The following NACA variants were observed in gnomAD, a reference collection of about 807,000 sequenced individuals.
NACA encodes the protein nascent polypeptide-associated complex subunit alpha.
NACA carries 42 observed loss-of-function variants against 86.4 expected under a neutral mutation model. That is an observed-to-expected ratio of 0.49 (90% CI 0.38 to 0.63). The LOEUF is 0.63. Ranked by LOEUF, NACA falls within the 20% of genes least tolerant of loss-of-function variation. The pLI is 0.00. For synonymous variants in NACA, 898 were observed against 973.7 expected, an observed-to-expected ratio of 0.92 and a Z score of 1.45; for missense variants, 2,157 against 2,483.6, an observed-to-expected ratio of 0.87 and a Z score of 2.80.
Position 56,721,388 on chromosome 12 carries a change from G to GA in NACA, c.141dup (p.Pro48SerfsTer15). On this transcript the variant is annotated frameshift_variant, in exon 3 of 9. Coordinates refer to ENST00000454682, the MANE Select transcript of NACA (RefSeq NM_001365896.1). LOFTEE classifies it high-confidence loss of function. ...CACTGTTGTGGGGCAGGAGAGCAAG[G>GA]AGGGGGGAGGGTAGGTCCAGGCTGC... 6.4e-6 allele frequency: 10 copies of GA among 1,574,208 alleles called. No individual in the cohort carries two copies. Among genetic ancestry groups the GA allele is most frequent in the Non-Finnish European group, 7.7e-6 (9 of 1,163,740 alleles).
chr12:56,713,633 A>G lies in NACA; in HGVS notation c.5874T>C (p.Thr1958=). 6.2e-7 allele frequency: 1 copy of G among 1,614,016 alleles called. No individual in the cohort carries two copies. Among genetic ancestry groups the G allele is most frequent in the Non-Finnish European group, 8.5e-7 (1 of 1,179,878 alleles). The part of the protein sequence containing the change: ...LRQVTGVTRV[T]IRKSKNILFV... ...AGAGGATATTCTTAGATTTCCGGAT[A>G]GTGACTCTAGTAACTCCTGTAACCT... The change falls in exon 6 of 9, where the codon ACT becomes ACC. Residue 1958 remains threonine (T), a synonymous_variant. Coordinates refer to ENST00000454682, the MANE Select transcript of NACA (RefSeq NM_001365896.1).
intron 8 of NACA, 94 bp downstream of exon 8, chr12:56,712,692 T>C (rs972197813): frequency 3.7e-6 from 6 of 1,603,206 alleles, no homozygotes; most frequent in Non-Finnish European, 5.1e-6. Flanking sequence ...TGGAATGAGG[T>C]TCCTTAATTG....
Position 56,713,009 on chromosome 12 carries a change from C to T in NACA, c.6099+53G>A, listed in dbSNP as rs1474831162. ...TAGTTTTTAATATAGCTCACCAACA[C>T]GAACACAATGCTATACGGCGAGAGT... On this transcript the variant is annotated intron_variant, in intron 7 of 8. Transcript: ENST00000454682. 10 of 1,611,114 alleles carry T rather than the reference C, an allele frequency of 6.2e-6. No individual in the cohort carries two copies. In the African/African-American group the frequency reaches 6.7e-5, roughly 11 times the overall value.
In NACA at chr12:56,720,329, C is replaced by T. The variant is rs149200196; in HGVS notation, c.1201G>A (p.Val401Ile). The change falls in exon 3 of 9, where the codon GTA (valine) becomes ATA (isoleucine). Residue 401 changes from valine (V) to isoleucine (I), a missense_variant. Transcript: ENST00000454682. ...GGAGATAATGAAAAAGAGGTAGCTA[C>T]ATTTAAGGAGCCAGAAGGGCTGCAG... ...ITCSPSGSLN[V>I]ATSFSLSPTT... The T allele has an allele frequency of 9.6e-3, 15,504 of 1,613,790 alleles. 110 individuals are homozygous for T. Among genetic ancestry groups the T allele is most frequent in the South Asian group, 0.022 (2,023 of 91,068 alleles).
chr12:56,723,956 A>T (rs764338096), intron 2 of NACA, among the ~76,000 whole-genome samples: 4 of 152,238 alleles, frequency 2.6e-5, no homozygotes, highest in Non-Finnish European at 4.4e-5. Context: ...TAAACAAGTT[A>T]TCCGACCTAG....
chr12:56,713,233 T>C, intron 6 of NACA, 43 bp from the exon 7 acceptor site: 1 of 1,600,446 alleles, frequency 6.2e-7, no homozygotes, highest in Non-Finnish European at 8.5e-7. Flanking sequence ...AGATTAGCAG[T>C]CTTTGAAAAA....
chr12:56,716,052 T>C lies in NACA; in HGVS notation c.5478A>G (p.Glu1826=), dbSNP rs1177808941. ...CAGGGGCAAGGGGTTTAGAGGGTGATTCCAACACCAGCCCAGGAGAGGACG... is the reference window on the plus strand; with the variant it reads ...CAGGGGCAAGGGGTTTAGAGGGTGACTCCAACACCAGCCCAGGAGAGGACG... The part of the protein sequence containing the change: ...FLPSSPGLVL[E]SPSKPLAPAD... Residue 1826 remains glutamate (E), a synonymous_variant, in exon 3 of 9, where the codon GAA becomes GAG. Coordinates refer to ENST00000454682, the MANE Select transcript of NACA (RefSeq NM_001365896.1). 1 of 1,611,022 alleles carries C rather than the reference T, an allele frequency of 6.2e-7. No individual in the cohort carries two copies. The highest frequency in any genetic ancestry group is 1.3e-5 in the African/African-American group (1 of 74,966).
At chr12:56,713,743 AG>A in intron 5 of NACA, 60 bp from the exon 6 acceptor site, 1 of 1,526,994 alleles carries the variant, frequency 6.5e-7, no homozygotes, top group Non-Finnish European at 9.0e-7. Context: ...TAAAGAAGCA[AG>A]GAACATAATA....
chr12:56,714,483 T>C (rs1356066061), intron 4 of NACA, 44 bp from the exon 5 acceptor site: 1 of 1,607,728 alleles, frequency 6.2e-7, no homozygotes, highest in Admixed American at 1.7e-5. Flanking sequence ...ATCTAAGATC[T>C]GGATAGCACA....
intron 1 of NACA, 181 bp from the exon 2 acceptor site, chr12:56,724,704 G>T: frequency 1.6e-6 from 1 of 613,628 alleles, no homozygotes; most frequent in South Asian, 2.0e-5. Flanking sequence ...TGACCCTCAC[G>T]CCTCTATCAA....
chr12:56,722,450 G>A lies in NACA; in HGVS notation c.71-991C>T, dbSNP rs144418941. Among the ~76,000 whole-genome samples, 191 of 152,322 alleles carry A rather than the reference G, an allele frequency of 1.3e-3. 2 individuals carry two copies. In the East Asian group the frequency reaches 0.034, roughly 27 times the overall value. ...CATGCCTGTAATCCCAGCACTTCGGGATGCCTGGGAGGGCGGATCACGAGG... is the reference window on the plus strand; with the variant it reads ...CATGCCTGTAATCCCAGCACTTCGGAATGCCTGGGAGGGCGGATCACGAGG... On this transcript the variant is annotated intron_variant, in intron 2 of 8. Coordinates refer to ENST00000454682, the MANE Select transcript of NACA (RefSeq NM_001365896.1).
chr12:56,713,456 G>T, intron 6 of NACA, 81 bp downstream of exon 6: 8 of 1,522,860 alleles, frequency 5.3e-6, no homozygotes, highest in Non-Finnish European at 1.8e-6. Flanking sequence ...CCATAACAGA[G>T]AACTATCTGA....
In NACA at chr12:56,718,832, G is replaced by T. The variant is rs1953481493; in HGVS notation, c.2698C>A (p.Pro900Thr). The change falls in exon 3 of 9, where the codon CCA becomes ACA. Residue 900 changes from proline (P) to threonine (T), a missense_variant. Transcript: ENST00000454682. ...VVNLPFPKEG[P>T]ATPAPKQAPA... ...GCCTGTTTGGGTGCTGGAGTAGCTG[G>T]ACCCTCTTTGGGGAAGGGCAGATTC... 2 of 1,438,392 alleles carry T rather than the reference G, an allele frequency of 1.4e-6. No homozygotes were observed. Among genetic ancestry groups the T allele is most frequent in the African/African-American group, 2.8e-5 (2 of 70,744 alleles). The allele number at this position is 1,438,392 out of a possible 1,614,324, so 89.1% of individuals were successfully genotyped here.
rs1565898686 is a variant in NACA, at chr12:56,720,916, G to A, written c.614C>T (p.Pro205Leu). 10 of 1,613,976 alleles carry A rather than the reference G, an allele frequency of 6.2e-6. No individual in the cohort carries two copies. Among genetic ancestry groups the A allele is most frequent in the Non-Finnish European group, 8.5e-6 (10 of 1,179,880 alleles). ...AGGAACAGTACTGACTATACATGGA[G>A]GGCTGGGGGTGCCTTTTGGATTAGG... ...VVPNPKGTPS[P>L]PCIVSTVPYH... Residue 205 changes from proline to leucine, a missense_variant, in exon 3 of 9, where the codon CCT becomes CTT. Pro to Leu is a moderately conservative substitution (Grantham distance 98). Around this residue, in one of 8 missense-constraint regions of NACA, gnomAD observed 947 missense variants for 917.9 expected, o/e 1.03. Coordinates refer to ENST00000454682, the MANE Select transcript of NACA (RefSeq NM_001365896.1).
At position 56,716,945 on chromosome 12, in the gene NACA, G is replaced by A. The variant is rs1275550600; in HGVS notation, c.4585C>T (p.Pro1529Ser). 9 of 1,305,468 alleles carry A rather than the reference G, an allele frequency of 6.9e-6. No homozygotes were observed. The highest frequency in any genetic ancestry group is 8.9e-6 in the Non-Finnish European group (9 of 1,007,898). The allele number at this position is 1,305,468 out of a possible 1,614,324, so 80.9% of individuals were successfully genotyped here. Residue 1529 changes from proline to serine, a missense_variant, in exon 3 of 9, where the codon CCA (proline) becomes TCA (serine). Coordinates refer to ENST00000454682, the MANE Select transcript of NACA (RefSeq NM_001365896.1). Reference sequence around the variant, plus strand: ...TTTTTAGAGAGAAGAGTCGCTGTTGGGGCAATGGGGTCCCTTCTGGAGGAT... The same window carrying A: ...TTTTTAGAGAGAAGAGTCGCTGTTGAGGCAATGGGGTCCCTTCTGGAGGAT... ...TPSSRRDPIAPTATLLSKKTP... is the reference protein window; with the variant it reads ...TPSSRRDPIASTATLLSKKTP...
Position 56,720,226 on chromosome 12 carries a change from GA to G in NACA, c.1303del (p.Ser435LeufsTer9), listed in dbSNP as rs766616951. 6.2e-7 allele frequency: 1 copy of G among 1,613,988 alleles called. No homozygotes were observed. Among genetic ancestry groups the G allele is most frequent in the Non-Finnish European group, 8.5e-7 (1 of 1,179,888 alleles). On this transcript the variant is annotated frameshift_variant, in exon 3 of 9. Transcript: ENST00000454682. LOFTEE classifies it high-confidence loss of function. ...YPLVAQMPVS[S>X]VGTTPLVVTN... ...CACCACAAGTGGGGTGGTTCCAACA[GA>G]AGAAACGGGCATTTGGGCCACTAAA...
chr12:56,721,047 A>T lies in NACA; in HGVS notation c.483T>A (p.Pro161=). Residue 161 remains proline (P), a synonymous_variant, in exon 3 of 9, where the codon CCT becomes CCA. Coordinates refer to ENST00000454682, the MANE Select transcript of NACA (RefSeq NM_001365896.1). ...SAFPPNLLTS[P]PSVAVAESGS... ...CTGACTCAGCTACAGCCACTGAAGG[A>T]GGTGAAGTAAGAAGGTTAGGTGGAA... 2 of 1,613,954 alleles carry T rather than the reference A, an allele frequency of 1.2e-6. No homozygotes were observed. The highest frequency in any genetic ancestry group is 2.2e-5 in the South Asian group (2 of 91,084).
chr12:56,717,527 G>GT lies in NACA; in HGVS notation c.4002_4003insA (p.Pro1335ThrfsTer10). On this transcript the variant is annotated frameshift_variant, in exon 3 of 9. Coordinates refer to ENST00000454682, the MANE Select transcript of NACA (RefSeq NM_001365896.1). LOFTEE classifies it high-confidence loss of function. ...GGGGAGGGAGGAGTTACAGCTGGGG[G>GT]AGTGGGGGCCCCTTTGGGGGGTGGG... 1.6e-6 allele frequency: 2 copies of GT among 1,281,550 alleles called. No individual in the cohort carries two copies. The highest frequency in any genetic ancestry group is 2.0e-6 in the Non-Finnish European group (2 of 992,632). 79.4% of individuals were successfully genotyped at this position (1,281,550 alleles called of 1,614,324 possible). A position where few individuals can be genotyped will look rare whatever the true frequency, so the allele number is the denominator to read the frequency against.
chr12:56,722,517 G>A (rs760007059), intron 2 of NACA, among the ~76,000 whole-genome samples: 1 of 152,060 alleles, frequency 6.6e-6, no homozygotes. Context: ...GTGAAACCCC[G>A]TCTCTACTAA....
Sources: gnomAD v4.1 joint callset for allele counts (sites outside exome capture counted in the v4.1 genomes callset) on GRCh38, gnomAD v4.1.1 for gene constraint, gnomAD v4.1.1 regional missense constraint, MANE v1.5 for transcripts, NCBI Gene and HGNC (gene_info 2026-07-23, HGNC 2026-07-21) for gene names.